Variants in L3MBTL2 observed in about 807,000 individuals in gnomAD.
L3MBTL2 encodes lethal(3)malignant brain tumor-like protein 2.
Under a neutral mutation model 86.4 loss-of-function variants are expected in L3MBTL2, and 49 were observed. That is an observed-to-expected ratio of 0.57 (90% CI 0.45 to 0.72). The LOEUF is 0.72. L3MBTL2 is among the 30% of genes least tolerant of loss of function. L3MBTL2 has a pLI of 0.00. For missense variants in L3MBTL2, 755 were observed against 923.7 expected (o/e 0.82, Z 2.37); for synonymous variants, 336 against 350.6 (o/e 0.96, Z 0.47).
In L3MBTL2 at chr22:41,225,595, T is replaced by C. The variant is rs2145610252; in HGVS notation, c.1357-199T>C. 6.6e-6 allele frequency among the ~76,000 whole-genome samples: 1 copy of C among 152,300 alleles called. No individual in the cohort carries two copies. Among genetic ancestry groups the C allele is most frequent in the Non-Finnish European group, 1.5e-5 (1 of 68,020 alleles). ...TGCTGGCGTGGTGTTTGCTGTCTAGTGGGGAAGAGAAAGAATCCCACGCGT... is the reference window on the plus strand; with the variant it reads ...TGCTGGCGTGGTGTTTGCTGTCTAGCGGGGAAGAGAAAGAATCCCACGCGT... On this transcript the variant is annotated intron_variant, in intron 11 of 16. Transcript: ENST00000216237. The surrounding 1 kb of genome is among the most constrained non-coding windows in gnomAD (Gnocchi z 4.1).
intron 8 of L3MBTL2, 50 bp from the exon 9 acceptor site, chr22:41,223,970 G>T: frequency 2.1e-6 from 3 of 1,448,056 alleles, no homozygotes; most frequent in Non-Finnish European, 2.9e-6. Flanking sequence ...AGGAGGGTGG[G>T]TGGGAAGAGC....
At chr22:41,220,072 G>C (rs1165848929) in intron 6 of L3MBTL2, among the ~76,000 whole-genome samples, 1 of 152,202 alleles carries the variant, frequency 6.6e-6, no homozygotes, top group Non-Finnish European at 1.5e-5. Context: ...TCCAGGGCCA[G>C]GTTTCGTGGC....
chr22:41,227,163 T>A lies in L3MBTL2; in HGVS notation c.1662T>A (p.Cys554Ter). ...AVDLMEPRLI[C>*]VATVKRVVHR... The stretch of plus-strand genomic sequence containing the variant: ...ACCTGATGGAGCCCCGGCTCATCTG[T>A]GTGGCCACGGTGAAACGAGTGGTGC... Residue 554 changes from cysteine (C) to a stop codon, truncating the protein, a stop_gained, in exon 14 of 17, where the codon TGT (cysteine) becomes TGA (stop). Coordinates refer to ENST00000216237, the MANE Select transcript of L3MBTL2 (RefSeq NM_031488.5). LOFTEE classifies it high-confidence loss of function. This position sits in a 1 kb window ranked among gnomAD's most constrained non-coding sequence, Gnocchi z 6.0. 1 of 1,613,782 alleles carries A rather than the reference T, an allele frequency of 6.2e-7. No individual in the cohort carries two copies.
chr22:41,228,111 G>A (rs558729046), intron 15 of L3MBTL2: 2 of 985,468 alleles, frequency 2.0e-6, no homozygotes, highest in Admixed American at 1.2e-4. Context: ...CATGGTCAGG[G>A]TGCTGAGGAA....
intron 4 of L3MBTL2, among the ~76,000 whole-genome samples, chr22:41,216,613 A>G (rs1450054478): frequency 6.6e-6 from 1 of 152,196 alleles, no homozygotes; most frequent in Non-Finnish European, 1.5e-5. Context: ...GTGGTGGGAT[A>G]AGGAAAGGAG....
At chr22:41,213,707 C>T (rs2031107306) in intron 2 of L3MBTL2, 186 bp from the exon 3 acceptor site, 2 of 595,834 alleles carry the variant, frequency 3.4e-6, no homozygotes, top group African/African-American at 3.7e-5. Flanking sequence ...CAAGCAGCAG[C>T]ACTTCATTCA....
At chr22:41,213,333 G>A (rs536415927) in intron 2 of L3MBTL2, among the ~76,000 whole-genome samples, 2 of 151,660 alleles carry the variant, frequency 1.3e-5, no homozygotes, top group Admixed American at 6.6e-5. Context: ...AAATTTTTTC[G>A]CTTTTTTTTG....
Position 41,225,777 on chromosome 22 carries a change from C to T in L3MBTL2, c.1357-17C>T. 6.2e-7 allele frequency: 1 copy of T among 1,601,934 alleles called. No homozygotes were observed. The highest frequency in any genetic ancestry group is 1.1e-5 in the South Asian group (1 of 90,212). On this transcript the variant is annotated splice_polypyrimidine_tract_variant and intron_variant, in intron 11 of 16. Transcript: ENST00000216237. This position sits in a 1 kb window ranked among gnomAD's most constrained non-coding sequence, Gnocchi z 4.1. ...GTTCATGATATGATCTGTCTGCCTG[C>T]TCCCCCCACCCCCCAGGTTCTCCTG...
chr22:41,226,002 C>T lies in L3MBTL2; in HGVS notation c.1504+61C>T, dbSNP rs938192408. On this transcript the variant is annotated intron_variant, in intron 12 of 16. Coordinates refer to ENST00000216237, the MANE Select transcript of L3MBTL2 (RefSeq NM_031488.5). Reference sequence around the variant, plus strand: ...CATCAGAAGGGGCAGGGTGTCCAGGCGCGGTGGCTCCCGCCTGTAATCCTA... The same window carrying T: ...CATCAGAAGGGGCAGGGTGTCCAGGTGCGGTGGCTCCCGCCTGTAATCCTA... 3.4e-5 allele frequency: 53 copies of T among 1,557,362 alleles called. No homozygotes were observed. The Admixed American group carries it at 5.3e-4, about 15-fold the overall frequency.
At chr22:41,229,901 C>T (rs2032466168) in intron 16 of L3MBTL2, among the ~76,000 whole-genome samples, 1 of 152,164 alleles carries the variant, frequency 6.6e-6, no homozygotes, top group Non-Finnish European at 1.5e-5. Context: ...ACCCCTACCT[C>T]TAGTGCTTGG....
chr22:41,218,123 C>T (rs2031537004), intron 5 of L3MBTL2: 2 of 152,322 alleles, frequency 1.3e-5, no homozygotes, highest in East Asian at 3.9e-4. Context: ...CCTGGGCTAG[C>T]GCAACTGTGT....
chr22:41,213,832 T>C, intron 2 of L3MBTL2, 61 bp from the exon 3 acceptor site: 1 of 1,596,308 alleles, frequency 6.3e-7, no homozygotes, highest in Middle Eastern at 1.7e-4. Context: ...GAAGGGCCCA[T>C]CACTTTGTTT....
At chr22:41,221,008 C>G in intron 7 of L3MBTL2, 140 bp downstream of exon 7, 2 of 1,096,484 alleles carry the variant, frequency 1.8e-6, no homozygotes, top group Non-Finnish European at 2.6e-6. Flanking sequence ...CCTGCCCTCC[C>G]CATCCCAGAG....
intron 5 of L3MBTL2, 174 bp from the exon 6 acceptor site, chr22:41,219,245 G>A: frequency 1.8e-6 from 1 of 547,226 alleles, no homozygotes. Context: ...TCCCGGCTTA[G>A]CTCTTCAAGG....
chr22:41,227,217 C>A lies in L3MBTL2; in HGVS notation c.1716C>A (p.Gly572=). 6.2e-7 allele frequency: 1 copy of A among 1,613,526 alleles called. No individual in the cohort carries two copies. Among genetic ancestry groups the A allele is most frequent in the Non-Finnish European group, 8.5e-7 (1 of 1,179,998 alleles). The change falls in exon 14 of 17, where the codon GGC becomes GGA. Residue 572 remains glycine (G), a synonymous_variant. Transcript: ENST00000216237. This position sits in a 1 kb window ranked among gnomAD's most constrained non-coding sequence, Gnocchi z 6.0. ...GGCTCCTCAGCATCCACTTTGACGG[C>A]TGGGACAGCGAGTACGACCAGTGGG... The part of the protein sequence containing the change: ...VHRLLSIHFD[G]WDSEYDQWVD...
chr22:41,229,880 C>T, intron 16 of L3MBTL2: 1 of 772,990 alleles, frequency 1.3e-6, no homozygotes. Context: ...CCCTCCTCCT[C>T]CTCCATCTCT....
chr22:41,225,582 G>A lies in L3MBTL2; in HGVS notation c.1357-212G>A, dbSNP rs938178522. 9.2e-5 allele frequency among the ~76,000 whole-genome samples: 14 copies of A among 152,228 alleles called. No individual in the cohort carries two copies. Among genetic ancestry groups the A allele is most frequent in the African/African-American group, 3.1e-4 (13 of 41,462 alleles). ...TGGACGCGGCCCCTGCTGGCGTGGT[G>A]TTTGCTGTCTAGTGGGGAAGAGAAA... On this transcript the variant is annotated intron_variant, in intron 11 of 16. Transcript: ENST00000216237. The surrounding 1 kb of genome is among the most constrained non-coding windows in gnomAD (Gnocchi z 4.1).
chr22:41,206,285 G>A (rs1358247601), intron 1 of L3MBTL2, among the ~76,000 whole-genome samples: 3 of 149,796 alleles, frequency 2.0e-5, no homozygotes, highest in African/African-American at 7.4e-5. Flanking sequence ...ACTGCACCCC[G>A]CCTCATCCTT....
At chr22:41,221,416 C>A in intron 8 of L3MBTL2, 129 bp downstream of exon 8, 2 of 809,368 alleles carry the variant, frequency 2.5e-6, no homozygotes, top group Non-Finnish European at 4.1e-6. Context: ...CCACATTTTG[C>A]AAGGCTAGAG....
Sources: gnomAD v4.1 joint callset for allele counts (sites outside exome capture counted in the v4.1 genomes callset) on GRCh38, gnomAD v4.1.1 for gene constraint, Gnocchi (gnomAD v3.1) non-coding constraint, MANE v1.5 for transcripts, NCBI Gene and HGNC (gene_info 2026-07-23, HGNC 2026-07-21) for gene names.